FBXL20: variants seen among roughly 807,000 people sequenced by gnomAD.
FBXL20 encodes the protein F-box/LRR-repeat protein 20.
FBXL20 carries 11 observed loss-of-function variants against 64.0 expected under a neutral mutation model. That is an observed-to-expected ratio of 0.17 (90% CI 0.11 to 0.28). The LOEUF is 0.28. Ranked by LOEUF, FBXL20 falls within the 10% of genes least tolerant of loss-of-function variation. The pLI, the probability that FBXL20 is intolerant of heterozygous loss-of-function variation, is 1.00. For synonymous variants in FBXL20, 184 were observed against 189.0 expected, an observed-to-expected ratio of 0.97 and a Z score of 0.22; for missense variants, 303 against 526.2, an observed-to-expected ratio of 0.58 and a Z score of 4.15.
At chr17:39,377,102 T>A (rs200322924) in intron 1 of FBXL20, among the ~76,000 whole-genome samples, 4 of 152,084 alleles carry the variant, frequency 2.6e-5, no homozygotes, top group Admixed American at 6.6e-5. Context: ...GATTAGAAAT[T>A]ATGGTTTAGG....
chr17:39,261,335 C>T lies in FBXL20; in HGVS notation c.*125G>A. Reference sequence around the variant, plus strand: ...GTATGTGTGGCTCTGGGGATCTGGACACTGCCCTCCCTCACTTTGTAACCC... The same window carrying T: ...GTATGTGTGGCTCTGGGGATCTGGATACTGCCCTCCCTCACTTTGTAACCC... On this transcript the variant is annotated 3_prime_UTR_variant, in exon 15 of 15. Coordinates refer to ENST00000264658, the MANE Select transcript of FBXL20 (RefSeq NM_032875.3). The T allele has an allele frequency of 1.3e-6, 1 of 781,234 alleles. No individual in the cohort carries two copies. Among genetic ancestry groups the T allele is most frequent in the Non-Finnish European group, 2.3e-6 (1 of 439,092 alleles). 48.4% of individuals were successfully genotyped at this position (781,234 alleles called of 1,614,324 possible).
At chr17:39,359,970 T>C (rs535402019) in intron 1 of FBXL20, among the ~76,000 whole-genome samples, 76 of 152,212 alleles carry the variant, frequency 5.0e-4, no homozygotes, top group African/African-American at 1.8e-3. Flanking sequence ...ATTAAATTAT[T>C]CAGATAAAAC....
At chr17:39,394,162 A>G (rs909663373) in intron 1 of FBXL20, among the ~76,000 whole-genome samples, 8 of 152,130 alleles carry the variant, frequency 5.3e-5, no homozygotes, top group African/African-American at 1.9e-4. Flanking sequence ...GGTCACTTTA[A>G]GGGCTTTCTT....
At chr17:39,357,061 G>C (rs1186965788) in intron 1 of FBXL20, among the ~76,000 whole-genome samples, 1 of 151,236 alleles carries the variant, frequency 6.6e-6, no homozygotes, top group Non-Finnish European at 1.5e-5. Context: ...GATCACCGAG[G>C]TTGGGAGTTC....
intron 1 of FBXL20, among the ~76,000 whole-genome samples, chr17:39,364,176 C>T (rs897245264): frequency 1.5e-4 from 23 of 152,130 alleles, no homozygotes; most frequent in Non-Finnish European, 3.2e-4. Context: ...AAGATGTGAG[C>T]CACTGCGCCT....
At chr17:39,378,366 T>C (rs1019922967) in intron 1 of FBXL20, among the ~76,000 whole-genome samples, 3 of 152,158 alleles carry the variant, frequency 2.0e-5, no homozygotes, top group Non-Finnish European at 4.4e-5. Flanking sequence ...CTCAGCTACT[T>C]GAGAGGCGTA....
At position 39,299,093 on chromosome 17, in the gene FBXL20, T is replaced by C. The variant is rs769665019; in HGVS notation, c.235-9A>G. ...TTCTCCACTACTCGGCCCTGTAAAA[T>C]GAGACAGGCAAACAAAAAGATAACC... On this transcript the variant is annotated splice_polypyrimidine_tract_variant and intron_variant, in intron 4 of 14. Transcript: ENST00000264658. The C allele has an allele frequency of 8.2e-6, 13 of 1,592,158 alleles. No homozygotes were observed. In the South Asian group the frequency reaches 1.0e-4, roughly 12 times the overall value.
intron 2 of FBXL20, among the ~76,000 whole-genome samples, chr17:39,310,282 G>A (rs553824746): frequency 4.6e-5 from 7 of 152,028 alleles, no homozygotes; most frequent in South Asian, 4.1e-4. Flanking sequence ...CCAGTTTGCC[G>A]ATGTCACAGC....
Position 39,285,581 on chromosome 17 carries a change from ATGG to A in FBXL20, c.399-11_399-9del. On this transcript the variant is annotated splice_polypyrimidine_tract_variant and intron_variant, in intron 6 of 14. Transcript: ENST00000264658. ...CTAAGGCTAGTACATGTACTGAAAA[ATGG>A]AAAAAGGAGAAAATAATGAATAAAC... 6.3e-7 allele frequency: 1 copy of A among 1,576,952 alleles called. No individual in the cohort carries two copies.
chr17:39,316,420 T>C (rs1430346802), intron 2 of FBXL20, among the ~76,000 whole-genome samples: 1 of 152,042 alleles, frequency 6.6e-6, no homozygotes, highest in African/African-American at 2.4e-5. Context: ...AAACATTTCT[T>C]TCTAGTAGAA....
At position 39,271,320 on chromosome 17, in the gene FBXL20, G is replaced by A. The variant is rs556958060; in HGVS notation, c.828-464C>T. On this transcript the variant is annotated intron_variant, in intron 10 of 14. Transcript: ENST00000264658. ...TGCTTTAAAAAAAATGTGACAGGCC[G>A]GGCATGGTGGCTCATGCCTATAATC... 6.6e-5 allele frequency among the ~76,000 whole-genome samples: 10 copies of A among 152,250 alleles called. No individual in the cohort carries two copies. In the South Asian group the frequency reaches 1.5e-3, roughly 22 times the overall value.
At chr17:39,298,695 T>TA (rs1567869096) in intron 5 of FBXL20, among the ~76,000 whole-genome samples, 1 of 152,058 alleles carries the variant, frequency 6.6e-6, no homozygotes, top group Non-Finnish European at 1.5e-5. Flanking sequence ...GCCTGGGTGA[T>TA]AGTGTGAGAC....
At chr17:39,377,724 G>A (rs890016002) in intron 1 of FBXL20, among the ~76,000 whole-genome samples, 1 of 152,144 alleles carries the variant, frequency 6.6e-6, no homozygotes. Flanking sequence ...GGATGGTCTC[G>A]ATCTCCTGAC....
At chr17:39,366,490 G>A (rs1053948617) in intron 1 of FBXL20, among the ~76,000 whole-genome samples, 6 of 152,034 alleles carry the variant, frequency 3.9e-5, no homozygotes, top group Non-Finnish European at 8.8e-5. Context: ...CTCTTTTATT[G>A]CATTGTTTCC....
intron 1 of FBXL20, among the ~76,000 whole-genome samples, chr17:39,375,465 T>A (rs4794807): frequency 0.39 from 59,464 of 151,984 alleles, 15,282 homozygotes; most frequent in African/African-American, 0.73. Flanking sequence ...ACAAGTTCTA[T>A]TGTTCCATAG....
intron 2 of FBXL20, among the ~76,000 whole-genome samples, chr17:39,304,263 AAAG>A (rs2047161970): frequency 6.6e-6 from 1 of 151,948 alleles, no homozygotes; most frequent in South Asian, 2.1e-4. Flanking sequence ...TTATCAAAAG[AAAG>A]AAGCCAGGGG....
intron 10 of FBXL20, among the ~76,000 whole-genome samples, chr17:39,271,423 C>A (rs564463596): frequency 3.7e-4 from 56 of 151,994 alleles, no homozygotes; most frequent in Admixed American, 1.3e-3. Flanking sequence ...CACGGTGAAA[C>A]CCCATTTCTA....
At chr17:39,295,692 G>A (rs1472871098) in intron 6 of FBXL20, among the ~76,000 whole-genome samples, 1 of 151,140 alleles carries the variant, frequency 6.6e-6, no homozygotes, top group Admixed American at 6.6e-5. Context: ...TCTTTCCCTT[G>A]TGTTTTCTCA....
At chr17:39,393,944 G>A (rs748087543) in intron 1 of FBXL20, among the ~76,000 whole-genome samples, 48 of 152,134 alleles carry the variant, frequency 3.2e-4, no homozygotes, top group Non-Finnish European at 8.8e-5. Context: ...CCTATTGTTA[G>A]TTGCTGTCAA....
Sources: gnomAD v4.1 joint callset for allele counts (sites outside exome capture counted in the v4.1 genomes callset) on GRCh38, gnomAD v4.1.1 for gene constraint, MANE v1.5 for transcripts, NCBI Gene and HGNC (gene_info 2026-07-23, HGNC 2026-07-21) for gene names.